The following ESR2 variants were observed in gnomAD, a reference collection of about 807,000 sequenced individuals.
ESR2 encodes estrogen receptor 2, also known as estrogen receptor beta.
In ESR2, 36 loss-of-function variants were observed where a neutral mutation model predicts 49.6. The ratio of observed to expected loss-of-function variants is 0.73; its 90% CI spans 0.56 to 0.96. The LOEUF (loss-of-function observed/expected upper bound fraction) is 0.96. ESR2 is among the 40% of genes least tolerant of loss of function. The pLI is 0.00. For synonymous variants in ESR2, 320 were observed against 266.1 expected (o/e 1.20, Z -1.97); for missense variants, 714 against 693.0 (o/e 1.03, Z -0.34).
At chr14:64,282,597 A>G (rs762616012) in intron 2 of ESR2, 27 bp downstream of exon 2, 158 of 1,560,264 alleles carry the variant, frequency 1.0e-4, no homozygotes, top group Non-Finnish European at 1.3e-4. Context: ...GCTAGCAACT[A>G]TAATTCAGAA....
At chr14:64,261,445 T>C (rs2076223707) in intron 4 of ESR2, among the ~76,000 whole-genome samples, 1 of 151,996 alleles carries the variant, frequency 6.6e-6, no homozygotes, top group Non-Finnish European at 1.5e-5. Context: ...TGAGACGGAG[T>C]CTCACTCTGT....
At chr14:64,333,638 C>T (rs528131821) in intron 1 of ESR2, among the ~76,000 whole-genome samples, 2 of 152,214 alleles carry the variant, frequency 1.3e-5, no homozygotes, top group Admixed American at 1.3e-4. Context: ...TGGCAACAGG[C>T]AAGGTAGAAT....
At chr14:64,285,936 A>G (rs2076778788) in intron 1 of ESR2, among the ~76,000 whole-genome samples, 1 of 152,194 alleles carries the variant, frequency 6.6e-6, no homozygotes, top group African/African-American at 2.4e-5. Flanking sequence ...AACTCAATCA[A>G]TATTTGTCAT....
chr14:64,246,740 A>C (rs2075865773), intron 7 of ESR2, among the ~76,000 whole-genome samples: 1 of 75,612 alleles, frequency 1.3e-5, no homozygotes, highest in South Asian at 3.9e-4. Context: ...CTGTCAAAAA[A>C]AAAAAAAAAA....
chr14:64,259,951 CGTTCCAG>C (rs1358904034), intron 5 of ESR2, among the ~76,000 whole-genome samples: 1 of 152,112 alleles, frequency 6.6e-6, no homozygotes, highest in Non-Finnish European at 1.5e-5. Context: ...ATTTTAACCA[CGTTCCAG>C]GTTCCAGGAC....
chr14:64,334,665 T>A (rs1004455538), intron 1 of ESR2, among the ~76,000 whole-genome samples: 3 of 152,250 alleles, frequency 2.0e-5, no homozygotes, highest in Non-Finnish European at 4.4e-5. Flanking sequence ...ATTTTATTTT[T>A]TTGAGACATT....
Position 64,282,704 on chromosome 14 carries a change from C to T in ESR2, c.282G>A (p.Gln94=). 2.5e-6 allele frequency: 4 copies of T among 1,614,188 alleles called. No homozygotes were observed. Among genetic ancestry groups the T allele is most frequent in the Non-Finnish European group, 3.4e-6 (4 of 1,179,986 alleles). ...GAGGTTCCGCATACAGATGTGATAA[C>T]TGGCGATGGACCACTAAAGGAGAAA... is the stretch of plus-strand genomic sequence containing the variant. ...GHLSPLVVHR[Q]LSHLYAEPQK... is the part of the protein sequence containing the mutation. Residue 94 remains glutamine (Q), a synonymous_variant, in exon 2 of 9, where the codon CAG becomes CAA. Transcript: ENST00000341099.
At chr14:64,278,846 G>A (rs2076608286) in intron 3 of ESR2, among the ~76,000 whole-genome samples, 2 of 152,100 alleles carry the variant, frequency 1.3e-5, no homozygotes, top group South Asian at 2.1e-4. Flanking sequence ...CCTCCTCTTG[G>A]CCAAGGGCAT....
chr14:64,333,721 G>A (rs1379712909), intron 1 of ESR2, among the ~76,000 whole-genome samples: 1 of 152,032 alleles, frequency 6.6e-6, no homozygotes, highest in Non-Finnish European at 1.5e-5. Context: ...GAGAACAACA[G>A]GGAGGAAACC....
At chr14:64,275,442 C>A (rs1567767970) in intron 3 of ESR2, among the ~76,000 whole-genome samples, 1 of 152,054 alleles carries the variant, frequency 6.6e-6, no homozygotes, top group Non-Finnish European at 1.5e-5. Flanking sequence ...ATTTTTCCAT[C>A]CCTTTATTTT....
upstream of ESR2, among the ~76,000 whole-genome samples, chr14:64,294,864 T>C (rs1748815011): frequency 6.6e-6 from 1 of 152,182 alleles, no homozygotes; most frequent in African/African-American, 2.4e-5. Flanking sequence ...GGTTCTCAGC[T>C]CTCAAGAGGT....
At chr14:64,263,766 AT>A (rs1207767705) in intron 4 of ESR2, among the ~76,000 whole-genome samples, 6 of 152,228 alleles carry the variant, frequency 3.9e-5, no homozygotes, top group African/African-American at 1.4e-4. Flanking sequence ...ATAACGGGCT[AT>A]TTAAATCTCT....
At chr14:64,268,591 T>A (rs1398120219) in intron 4 of ESR2, among the ~76,000 whole-genome samples, 2 of 152,188 alleles carry the variant, frequency 1.3e-5, no homozygotes, top group Non-Finnish European at 2.9e-5. Flanking sequence ...AAAATCTGCC[T>A]CCCATAATCT....
At chr14:64,270,449 T>C (rs2076418059) in intron 3 of ESR2, among the ~76,000 whole-genome samples, 3 of 152,212 alleles carry the variant, frequency 2.0e-5, no homozygotes, top group African/African-American at 7.2e-5. Flanking sequence ...ATTTGCTCTA[T>C]AATCATTCTT....
intron 1 of ESR2, among the ~76,000 whole-genome samples, chr14:64,320,672 C>A (rs2077315240): frequency 6.6e-6 from 1 of 152,154 alleles, no homozygotes; most frequent in Admixed American, 6.6e-5. Context: ...GCAGGCGGAT[C>A]ACCTGAGGTC....
intron 1 of ESR2, among the ~76,000 whole-genome samples, chr14:64,283,995 G>C (rs1021972812): frequency 8.6e-5 from 13 of 151,318 alleles, no homozygotes; most frequent in African/African-American, 3.2e-4. Flanking sequence ...GCATGATCTC[G>C]GCTCACTGCA....
chr14:64,322,984 A>G (rs2077342959), intron 1 of ESR2, among the ~76,000 whole-genome samples: 1 of 152,260 alleles, frequency 6.6e-6, no homozygotes, highest in African/African-American at 2.4e-5. Flanking sequence ...AACTTAAGAT[A>G]CAACCATGAG....
At chr14:64,291,456 T>C (rs1437725645) in intron 1 of ESR2, among the ~76,000 whole-genome samples, 1 of 152,184 alleles carries the variant, frequency 6.6e-6, no homozygotes, top group African/African-American at 2.4e-5. Flanking sequence ...ACTACCACTG[T>C]AACTGGGTAT....
At chr14:64,249,728 T>C (rs571006034) in intron 6 of ESR2, 49 bp from the exon 7 acceptor site, 3 of 1,553,824 alleles carry the variant, frequency 1.9e-6, no homozygotes, top group Non-Finnish European at 2.6e-6. Flanking sequence ...CAGGAAACCA[T>C]CAAAAAAACA....
Sources: gnomAD v4.1 joint callset for allele counts (sites outside exome capture counted in the v4.1 genomes callset) on GRCh38, gnomAD v4.1.1 for gene constraint, MANE v1.5 for transcripts, NCBI Gene and HGNC (gene_info 2026-07-23, HGNC 2026-07-21) for gene names.